The following ADAM23 variants were observed in gnomAD, a reference collection of about 807,000 sequenced individuals.
ADAM23 encodes the protein disintegrin and metalloproteinase domain-containing protein 23.
A neutral mutation model predicts 120.1 loss-of-function variants in ADAM23; 33 were observed. The observed-to-expected ratio is 0.27, with a 90% CI of 0.21 to 0.37. The LOEUF is 0.37. ADAM23 is among the 10% of genes least tolerant of loss of function. ADAM23 has a pLI of 1.00. For missense variants in ADAM23, 862 were observed against 1,058.2 expected, an observed-to-expected ratio of 0.81 and a Z score of 2.57; for synonymous variants, 367 against 375.2, an observed-to-expected ratio of 0.98 and a Z score of 0.25.
rs79612821 is a variant in ADAM23 at position 206,472,615 on chromosome 2, G to A, written c.433-8617G>A. Among the ~76,000 whole-genome samples the A allele has an allele frequency of 3.7e-3, 526 of 142,656 alleles. 2 individuals are homozygous for A. Among genetic ancestry groups the A allele is most frequent in the Non-Finnish European group, 6.6e-3 (432 of 65,826 alleles). The allele number at this position is 142,656 out of a possible 152,430, so 93.6% of individuals were successfully genotyped here. On this transcript the variant is annotated intron_variant, in intron 2 of 25. Coordinates refer to ENST00000264377, the MANE Select transcript of ADAM23 (RefSeq NM_003812.4). ...GACAAAGCGAGACTCCATCTCAGGGGAAAAAAAAAAAAAGAGTACCTCAAA... is the reference window on the plus strand; with the variant it reads ...GACAAAGCGAGACTCCATCTCAGGGAAAAAAAAAAAAAAGAGTACCTCAAA...
rs1226692844 is a variant in ADAM23 at position 206,618,869 on chromosome 2, A to T, written c.*1242A>T. ...TTTCAGATTAATCACAAAAGTGCCAAGCTCATGATTTTGGTTTTCGGTTTT... is the reference window on the plus strand; with the variant it reads ...TTTCAGATTAATCACAAAAGTGCCATGCTCATGATTTTGGTTTTCGGTTTT... On this transcript the variant is annotated 3_prime_UTR_variant, in exon 26 of 26. Coordinates refer to ENST00000264377, the MANE Select transcript of ADAM23 (RefSeq NM_003812.4). 6.6e-6 allele frequency: 1 copy of T among 152,216 alleles called. No individual in the cohort carries two copies. Among genetic ancestry groups the T allele is most frequent in the Non-Finnish European group, 1.5e-5 (1 of 68,038 alleles). The allele number at this position is 152,216 out of a possible 1,614,324, so 9.4% of individuals were successfully genotyped here. A position where few individuals can be genotyped will look rare whatever the true frequency, so the allele number is the denominator to read the frequency against.
intron 3 of ADAM23, among the ~76,000 whole-genome samples, chr2:206,521,159 A>G (rs1696835787): frequency 6.6e-6 from 1 of 152,176 alleles, no homozygotes. Context: ...TTATGGTAGT[A>G]GGCTAACTGC....
At chr2:206,508,944 A>G (rs1453992418) in intron 3 of ADAM23, among the ~76,000 whole-genome samples, 1 of 152,230 alleles carries the variant, frequency 6.6e-6, no homozygotes, top group Non-Finnish European at 1.5e-5. Flanking sequence ...TCCAAAACCA[A>G]GGATTCATTA....
At chr2:206,510,544 A>G (rs1244840514) in intron 3 of ADAM23, among the ~76,000 whole-genome samples, 1 of 152,176 alleles carries the variant, frequency 6.6e-6, no homozygotes. Context: ...TGGGCCCATC[A>G]TGGGTCTTTT....
At chr2:206,572,878 A>C (rs1252514956) in intron 17 of ADAM23, among the ~76,000 whole-genome samples, 1 of 152,154 alleles carries the variant, frequency 6.6e-6, no homozygotes, top group Admixed American at 6.5e-5. Flanking sequence ...ACTCTGAAAC[A>C]GTGGGTTTTG....
chr2:206,544,430 T>A (rs1394547872), intron 6 of ADAM23, among the ~76,000 whole-genome samples: 2 of 152,122 alleles, frequency 1.3e-5, no homozygotes, highest in Admixed American at 6.5e-5. Context: ...TACTACAAGC[T>A]GGGTATTATT....
At position 206,443,757 on chromosome 2, in the gene ADAM23, C is replaced by G; in HGVS notation, c.-110C>G. On this transcript the variant is annotated 5_prime_UTR_variant, in exon 1 of 26. Coordinates refer to ENST00000264377, the MANE Select transcript of ADAM23 (RefSeq NM_003812.4). ...CCCGAGCCCGGAGCCCCCTGCCCGC[C>G]GCGGCACCATGCGCGCCGAGCCGGC... 2.0e-6 allele frequency: 1 copy of G among 504,630 alleles called. No homozygotes were observed. The highest frequency in any genetic ancestry group is 2.6e-6 in the Non-Finnish European group (1 of 391,348). 31.3% of individuals were successfully genotyped at this position (504,630 alleles called of 1,614,324 possible). A position where few individuals can be genotyped will look rare whatever the true frequency, so the allele number is the denominator to read the frequency against.
At chr2:206,557,184 C>T (rs1697662441) in intron 9 of ADAM23, among the ~76,000 whole-genome samples, 1 of 152,026 alleles carries the variant, frequency 6.6e-6, no homozygotes, top group African/African-American at 2.4e-5. Context: ...CCAGCCTCCA[C>T]CTGCCAAAGT....
chr2:206,504,459 A>G (rs1448307894), intron 3 of ADAM23, among the ~76,000 whole-genome samples: 1 of 152,200 alleles, frequency 6.6e-6, no homozygotes, highest in Non-Finnish European at 1.5e-5. Flanking sequence ...AACCTTGAAT[A>G]AAGACTTGAG....
chr2:206,533,211 AT>A (rs1697104553), intron 4 of ADAM23, among the ~76,000 whole-genome samples: 1 of 151,522 alleles, frequency 6.6e-6, no homozygotes, highest in Non-Finnish European at 1.5e-5. Context: ...TTTTATTTTT[AT>A]TTTTTTGAGA....
Position 206,607,229 on chromosome 2 carries a change from C to T in ADAM23, c.2360-2681C>T, listed in dbSNP as rs907501437. On this transcript the variant is annotated intron_variant, in intron 24 of 25. Coordinates refer to ENST00000264377, the MANE Select transcript of ADAM23 (RefSeq NM_003812.4). ...ATACTAGAAAAGAGATTTTGTTTCT[C>T]CTTGTGTATTAGAAAACAAAGACCA... 5 of 152,274 alleles carry T rather than the reference C, an allele frequency of 3.3e-5. No individual in the cohort carries two copies. In the East Asian group the frequency reaches 7.7e-4, roughly 24 times the overall value. The allele number at this position is 152,274 out of a possible 1,614,324, so 9.4% of individuals were successfully genotyped here.
intron 3 of ADAM23, among the ~76,000 whole-genome samples, chr2:206,497,148 T>A (rs1285399776): frequency 6.6e-6 from 1 of 152,000 alleles, no homozygotes; most frequent in Non-Finnish European, 1.5e-5. Flanking sequence ...CCTAACTCAT[T>A]TTATGAGGCC....
intron 18 of ADAM23, 71 bp from the exon 19 acceptor site, chr2:206,587,254 A>G (rs1698340352): frequency 1.8e-6 from 2 of 1,134,154 alleles, no homozygotes; most frequent in East Asian, 2.4e-5. Flanking sequence ...TGCTTGCATT[A>G]TATATAGTAT....
chr2:206,467,433 C>A (rs773092167), intron 2 of ADAM23, among the ~76,000 whole-genome samples: 2 of 152,232 alleles, frequency 1.3e-5, no homozygotes, highest in Non-Finnish European at 2.9e-5. Context: ...AAGTCTGAAA[C>A]CCACCTGAGC....
At chr2:206,468,423 G>T (rs1695585524) in intron 2 of ADAM23, among the ~76,000 whole-genome samples, 1 of 152,088 alleles carries the variant, frequency 6.6e-6, no homozygotes, top group Admixed American at 6.6e-5. Context: ...TCTCTCTCAA[G>T]TTCAAAGTTC....
At chr2:206,444,827 T>C (rs560917889) in intron 1 of ADAM23, among the ~76,000 whole-genome samples, 1 of 152,226 alleles carries the variant, frequency 6.6e-6, no homozygotes, top group Admixed American at 6.5e-5. Context: ...TAATATTCGG[T>C]ATCCATAAAT....
intron 13 of ADAM23, among the ~76,000 whole-genome samples, chr2:206,562,606 A>C (rs1697789263): frequency 6.6e-6 from 1 of 152,190 alleles, no homozygotes; most frequent in Admixed American, 6.5e-5. Context: ...AGCTGAGCAG[A>C]CGTACAAGGT....
chr2:206,563,581 G>A (rs772247829), intron 13 of ADAM23, among the ~76,000 whole-genome samples: 2 of 152,174 alleles, frequency 1.3e-5, no homozygotes, highest in Non-Finnish European at 2.9e-5. Context: ...GTATGACCAG[G>A]TTTATGCCCT....
chr2:206,583,843 A>C (rs1698269709), intron 18 of ADAM23, among the ~76,000 whole-genome samples: 1 of 151,958 alleles, frequency 6.6e-6, no homozygotes, highest in Non-Finnish European at 1.5e-5. Context: ...AACCTCCTGA[A>C]ATTCTTTTTC....
Sources: allele counts gnomAD v4.1 joint callset (sites outside exome capture counted in the v4.1 genomes callset), GRCh38; gene constraint gnomAD v4.1.1; transcripts MANE v1.5; gene names NCBI Gene and HGNC (gene_info 2026-07-23, HGNC 2026-07-21).